The following CYP4Z1 variants were observed in gnomAD, a reference collection of about 807,000 sequenced individuals.
The protein encoded by CYP4Z1 is cytochrome P450 4Z1.
In CYP4Z1, 41 loss-of-function variants were observed where a neutral mutation model predicts 54.2. The ratio of observed to expected loss-of-function variants is 0.76; its 90% confidence interval spans 0.59 to 0.98. The LOEUF (loss-of-function observed/expected upper bound fraction) is 0.98, where lower values mean the gene tolerates loss of function less well. CYP4Z1 is among the 50% of genes least tolerant of loss of function. The pLI, the probability that CYP4Z1 is intolerant of heterozygous loss-of-function variation, is 0.00. For missense variants in CYP4Z1, 513 were observed against 599.0 expected (o/e 0.86, Z 1.50); for synonymous variants, 163 against 206.2 (o/e 0.79, Z 1.79).
chr1:47,067,800 A>G (rs1644461571), intron 1 of CYP4Z1, 133 bp downstream of exon 1: 2 of 779,212 alleles, frequency 2.6e-6, no homozygotes, highest in South Asian at 7.6e-5. Context: ...ATTTTTACAA[A>G]AATTCTATGA....
intron 8 of CYP4Z1, 91 bp from the exon 9 acceptor site, chr1:47,106,037 C>G (rs2088997): frequency 1.4e-6 from 2 of 1,464,514 alleles, no homozygotes; most frequent in African/African-American, 2.8e-5. Context: ...CAAAATCATT[C>G]TCAGTTACAA....
intron 2 of CYP4Z1, among the ~76,000 whole-genome samples, chr1:47,070,229 G>T: frequency 9.5e-6 from 1 of 105,016 alleles, no homozygotes; most frequent in South Asian, 4.7e-4. Flanking sequence ...CTTCTCTAGT[G>T]TCATTAATTG....
the CYP4Z1 span, among the ~76,000 whole-genome samples, chr1:47,055,757 G>A: frequency 6.6e-6 from 1 of 152,152 alleles, no homozygotes; most frequent in African/African-American, 2.4e-5. Flanking sequence ...TGTGGGATCG[G>A]TGGTGATATC....
intron 8 of CYP4Z1, among the ~76,000 whole-genome samples, chr1:47,102,988 T>G (rs758049329): frequency 6.6e-6 from 1 of 152,204 alleles, no homozygotes; most frequent in Non-Finnish European, 1.5e-5. Context: ...TGATGGTGTC[T>G]TATATGTCAC....
At chr1:47,107,532 C>G (rs1644765336) in intron 9 of CYP4Z1, among the ~76,000 whole-genome samples, 1 of 151,970 alleles carries the variant, frequency 6.6e-6, no homozygotes. Context: ...ACATAATATT[C>G]CGCCCACCTA....
In CYP4Z1 at chr1:47,101,145, T is replaced by C. The variant is rs146999311; in HGVS notation, c.1067+1861T>C. Among the ~76,000 whole-genome samples the C allele has an allele frequency of 3.5e-4, 54 of 152,304 alleles. 3 individuals are homozygous for C. The highest frequency in any genetic ancestry group is 1.3e-3 in the African/African-American group (53 of 41,586). On this transcript the variant is annotated intron_variant, in intron 8 of 11. Transcript: ENST00000334194. ...GTTTTATTTGGATCTTCTCTCTTTT[T>C]CTCTTCATTAGTCTAACAGTGGTTT... is the stretch of plus-strand genomic sequence containing the variant.
chr1:47,067,924 G>C (rs1214764980), intron 1 of CYP4Z1, among the ~76,000 whole-genome samples: 4 of 152,170 alleles, frequency 2.6e-5, no homozygotes, highest in Non-Finnish European at 5.9e-5. Context: ...AATGAAACTT[G>C]AACCCTGGTC....
chr1:47,109,979 C>T (rs1644781895), intron 9 of CYP4Z1, among the ~76,000 whole-genome samples: 1 of 151,946 alleles, frequency 6.6e-6, no homozygotes, highest in Non-Finnish European at 1.5e-5. Flanking sequence ...AGGAAATTTT[C>T]AAATTATGTC....
chr1:47,095,573 T>A (rs987187634), intron 7 of CYP4Z1, among the ~76,000 whole-genome samples: 14 of 152,262 alleles, frequency 9.2e-5, no homozygotes. Context: ...TTTTATTTTG[T>A]AGTTATTTTA....
upstream of CYP4Z1, among the ~76,000 whole-genome samples, chr1:47,063,551 T>C (rs1466386731): frequency 1.3e-5 from 2 of 151,652 alleles, no homozygotes; most frequent in Non-Finnish European, 2.9e-5. Flanking sequence ...TAAAAAACAA[T>C]CACAACTTCT....
intron 1 of CYP4Z1, 107 bp from the exon 2 acceptor site, chr1:47,068,515 G>A: frequency 7.2e-7 from 1 of 1,384,246 alleles, no homozygotes; most frequent in Non-Finnish European, 9.9e-7. Context: ...CCTGTCTGAT[G>A]GGGTGGTGTC....
intron 4 of CYP4Z1, 74 bp from the exon 5 acceptor site, chr1:47,084,546 A>G: frequency 6.4e-7 from 1 of 1,563,392 alleles, no homozygotes; most frequent in Non-Finnish European, 8.6e-7. Context: ...CAAGCTCTAA[A>G]AGGGACATAA....
chr1:47,114,971 G>T (rs577089154), intron 9 of CYP4Z1, among the ~76,000 whole-genome samples: 2 of 152,038 alleles, frequency 1.3e-5, no homozygotes, highest in African/African-American at 4.8e-5. Flanking sequence ...ATTATAAATC[G>T]TGCCGCTATA....
chr1:47,109,888 AG>A (rs1451980605), intron 9 of CYP4Z1, among the ~76,000 whole-genome samples: 23 of 148,132 alleles, frequency 1.6e-4, no homozygotes, highest in African/African-American at 5.5e-4. Flanking sequence ...AAAAAAAAAA[AG>A]ATGACAAACC....
intron 2 of CYP4Z1, among the ~76,000 whole-genome samples, chr1:47,079,158 C>T (rs1173940128): frequency 2.0e-5 from 3 of 152,144 alleles, no homozygotes; most frequent in Non-Finnish European, 2.9e-5. Context: ...GAACAAGGAC[C>T]ATTCTGCTTT....
chr1:47,115,803 A>G (rs548332938), intron 10 of CYP4Z1, among the ~76,000 whole-genome samples: 1 of 152,346 alleles, frequency 6.6e-6, no homozygotes, highest in African/African-American at 2.4e-5. Flanking sequence ...CAACAGAAGC[A>G]TATCATCCCC....
intron 7 of CYP4Z1, among the ~76,000 whole-genome samples, chr1:47,097,749 T>A (rs566448535): frequency 4.6e-5 from 7 of 151,788 alleles, no homozygotes; most frequent in Admixed American, 6.6e-5. Context: ...AGCTTTGGTT[T>A]GTTTGTTTGT....
the CYP4Z1 span, among the ~76,000 whole-genome samples, chr1:47,057,335 A>AAAAAAATAT: frequency 3.2e-4 from 9 of 28,478 alleles, no homozygotes; most frequent in African/African-American, 6.4e-4. Flanking sequence ...AAGAAAAAAA[A>AAAAAAATAT]ATATATATAT....
At position 47,117,649 on chromosome 1, in the gene CYP4Z1, G is replaced by GAA. The variant is rs36121108; in HGVS notation, c.1350-109_1350-108dup. On this transcript the variant is annotated intron_variant, in intron 11 of 11. Transcript: ENST00000334194. ...GCACCTGTAATCCAGCAGGATGACA[G>GAA]AAAAAAAAATGGATCTTGTTTCCCT... 2,630 of 1,112,996 alleles carry GAA rather than the reference G, an allele frequency of 2.4e-3. 2 individuals are homozygous for GAA. Among genetic ancestry groups the GAA allele is most frequent in the East Asian group, 0.01 (347 of 33,354 alleles). 68.9% of individuals were successfully genotyped at this position (1,112,996 alleles called of 1,614,324 possible). A position where few individuals can be genotyped will look rare whatever the true frequency, so the allele number is the denominator to read the frequency against.
Sources: gnomAD v4.1 joint callset for allele counts (sites outside exome capture counted in the v4.1 genomes callset) on GRCh38, gnomAD v4.1.1 for gene constraint, MANE v1.5 for transcripts, NCBI Gene and HGNC (gene_info 2026-07-23, HGNC 2026-07-21) for gene names.